Variants in RGS3 observed in about 807,000 individuals in gnomAD.
The protein encoded by RGS3 is regulator of G protein signaling 3.
RGS3 carries 80 observed loss-of-function variants against 132.6 expected under a neutral mutation model. The observed-to-expected ratio is 0.60, with a 90% CI of 0.50 to 0.73. The LOEUF (loss-of-function observed/expected upper bound fraction) is 0.73, where lower values mean the gene tolerates loss of function less well. Ranked by LOEUF, RGS3 falls within the 30% of genes least tolerant of loss-of-function variation. The pLI, the probability that RGS3 is intolerant of heterozygous loss-of-function variation, is 0.00. For missense variants in RGS3, 1,382 were observed against 1,530.8 expected, an observed-to-expected ratio of 0.90 and a Z score of 1.62; for synonymous variants, 598 against 620.6, an observed-to-expected ratio of 0.96 and a Z score of 0.54.
intron 10 of RGS3, chr9:113,503,522 G>T (rs72761968): frequency 0.075 from 11,406 of 152,300 alleles, 548 homozygotes; most frequent in Non-Finnish European, 0.096. Context: ...AGGGTGAGGG[G>T]CCCCCAGCCC....
upstream of RGS3, among the ~76,000 whole-genome samples, chr9:113,458,673 TA>T (rs969230150): frequency 2.0e-5 from 3 of 152,018 alleles, no homozygotes; most frequent in African/African-American, 7.2e-5. Flanking sequence ...GGCTTTTCTT[TA>T]AAAAAAAGTG....
intron 19 of RGS3, among the ~76,000 whole-genome samples, chr9:113,543,031 T>C (rs1832968116): frequency 6.6e-6 from 1 of 152,174 alleles, no homozygotes; most frequent in Admixed American, 6.5e-5. Context: ...AGCCCAGGGT[T>C]GGGCAGCTCT....
intron 19 of RGS3, among the ~76,000 whole-genome samples, chr9:113,550,583 G>A (rs1029996176): frequency 6.6e-6 from 1 of 152,102 alleles, no homozygotes; most frequent in African/African-American, 2.4e-5. Flanking sequence ...TTTTAGCATT[G>A]AAAATCTTGC....
chr9:113,596,989 C>T (rs368003749), exon 25 of RGS3: 51 of 1,545,412 alleles, frequency 3.3e-5, no homozygotes, highest in African/African-American at 6.8e-5. Flanking sequence ...TCACACCAGG[C>T]GGGCTGGGTC....
chr9:113,538,487 G>A (rs28714985), intron 19 of RGS3, among the ~76,000 whole-genome samples: 18,124 of 152,130 alleles, frequency 0.12, 1,302 homozygotes, highest in African/African-American at 0.19. Flanking sequence ...TTTGTGCCTC[G>A]CTCTCAGAGT....
intron 19 of RGS3, among the ~76,000 whole-genome samples, chr9:113,546,790 G>T (rs930774796): frequency 2.6e-5 from 4 of 152,214 alleles, no homozygotes; most frequent in African/African-American, 9.7e-5. Flanking sequence ...AGCCCAGCTG[G>T]AGCTGCTGCT....
chr9:113,551,224 T>C (rs1393255465), intron 19 of RGS3, among the ~76,000 whole-genome samples: 1 of 152,274 alleles, frequency 6.6e-6, no homozygotes, highest in Non-Finnish European at 1.5e-5. Context: ...AATTATATAA[T>C]ATTTGGACTT....
At chr9:113,480,458 CA>C (rs755925249) in intron 4 of RGS3, among the ~76,000 whole-genome samples, 129 of 65,902 alleles carry the variant, frequency 2.0e-3, no homozygotes, top group Middle Eastern at 8.8e-3. Flanking sequence ...GACTCCGTCT[CA>C]AAAAAAAAAA....
intron 19 of RGS3, among the ~76,000 whole-genome samples, chr9:113,564,520 C>A (rs1354333612): frequency 1.3e-5 from 2 of 152,114 alleles, no homozygotes; most frequent in Admixed American, 6.5e-5. Flanking sequence ...TCAGTGACAC[C>A]CAATTAACCA....
Position 113,514,265 on chromosome 9 carries a change from C to T in RGS3, c.1478-193C>T, listed in dbSNP as rs568175338. On this transcript the variant is annotated intron_variant, in intron 14 of 24. Coordinates refer to ENST00000350696, the Ensembl canonical transcript of RGS3. ...CGTGTCAACGTCTCTCACTAGAGTG[C>T]GAGGGAATTCCTTGAAGCCCGAGCC... Among the ~76,000 whole-genome samples, 8 of 152,254 alleles carry T rather than the reference C, an allele frequency of 5.3e-5. No homozygotes were observed. In the East Asian group the frequency reaches 5.8e-4, roughly 11 times the overall value.
chr9:113,474,385 G>A (rs1829927756), intron 3 of RGS3, among the ~76,000 whole-genome samples: 1 of 152,180 alleles, frequency 6.6e-6, no homozygotes, highest in Admixed American at 6.5e-5. Context: ...TGTCCATAGA[G>A]CTGTGTGGCT....
In RGS3 at chr9:113,586,891, G is replaced by A. The variant is rs535054217; in HGVS notation, c.3015+2464G>A. Among the ~76,000 whole-genome samples the A allele has an allele frequency of 3.9e-5, 6 of 152,298 alleles. No homozygotes were observed. The South Asian group carries it at 1.2e-3, about 32-fold the overall frequency. On this transcript the variant is annotated intron_variant, in intron 20 of 24. Transcript: ENST00000350696. ...GGGAAAATTAAATAGCTTAACACAG[G>A]TAAAACATTTAGGGCAGTACCTGGC... is the stretch of plus-strand genomic sequence containing the variant.
rs564767761 is a variant in RGS3, at chr9:113,494,865, C to A, written c.690-921C>A. ...GGACATTCTTCAGGAACTCTGAATT[C>A]TTCTTCTTCTTCTTCTTCTTTTTTT... is the stretch of plus-strand genomic sequence containing the variant. On this transcript the variant is annotated intron_variant, in intron 7 of 24. Coordinates refer to ENST00000350696, the Ensembl canonical transcript of RGS3. 4.1e-5 allele frequency among the ~76,000 whole-genome samples: 6 copies of A among 147,708 alleles called. No individual in the cohort carries two copies. In the South Asian group the frequency reaches 6.2e-4, roughly 15 times the overall value.
chr9:113,524,210 C>G (rs72761988), intron 17 of RGS3, among the ~76,000 whole-genome samples: 13,345 of 152,210 alleles, frequency 0.088, 668 homozygotes, highest in Non-Finnish European at 0.097. Context: ...TCTCCATACC[C>G]CCAGCCCCTC....
At chr9:113,484,213 T>C in exon 6 of RGS3, 1 of 1,610,066 alleles carries the variant, frequency 6.2e-7, no homozygotes, top group Non-Finnish European at 8.5e-7. Flanking sequence ...AGACCCGGCT[T>C]TCCACGAGCA....
At chr9:113,484,281 T>G (rs774063760) in intron 6 of RGS3, 49 bp downstream of exon 4, 38 of 1,015,896 alleles carry the variant, frequency 3.7e-5, no homozygotes, top group Non-Finnish European at 5.5e-5. Context: ...GAAGGAGTGT[T>G]TATCTGGAAA....
At position 113,594,424 on chromosome 9, in the gene RGS3, C is replaced by G. The variant is rs1263826180; in HGVS notation, c.3081-6C>G. 1.1e-5 allele frequency: 17 copies of G among 1,613,332 alleles called. No individual in the cohort carries two copies. The highest frequency in any genetic ancestry group is 1.4e-5 in the Non-Finnish European group (17 of 1,179,804). ...GAGCAACCCTCTTTTCTGCTTCTGTCCCCAGAGCCAAGGACATGAAGAACA... is the reference window on the plus strand; with the variant it reads ...GAGCAACCCTCTTTTCTGCTTCTGTGCCCAGAGCCAAGGACATGAAGAACA... On this transcript the variant is annotated splice_polypyrimidine_tract_variant and splice_region_variant and intron_variant, in intron 21 of 24. Transcript: ENST00000350696.
exon 20 of RGS3, chr9:113,584,027 A>G: frequency 6.2e-7 from 1 of 1,614,154 alleles, no homozygotes; most frequent in South Asian, 1.1e-5. Flanking sequence ...GCAGGGGCAG[A>G]GCAGGGCTGC....
At chr9:113,526,956 C>G (rs546670745) in intron 17 of RGS3, among the ~76,000 whole-genome samples, 1 of 152,216 alleles carries the variant, frequency 6.6e-6, no homozygotes, top group Non-Finnish European at 1.5e-5. Context: ...CTGTTTTCTA[C>G]AGCTGCAGCT....
Sources: allele counts gnomAD v4.1 joint callset (sites outside exome capture counted in the v4.1 genomes callset), GRCh38; gene constraint gnomAD v4.1.1; transcripts MANE v1.5; gene names NCBI Gene and HGNC (gene_info 2026-07-23, HGNC 2026-07-21).